Variants in DLGAP1 observed in about 807,000 individuals in gnomAD.
DLGAP1 encodes the protein DLG associated protein 1.
DLGAP1 carries 11 observed loss-of-function variants against 90.8 expected under a neutral mutation model. That is an observed-to-expected ratio of 0.12 (90% CI 0.08 to 0.20). The LOEUF (loss-of-function observed/expected upper bound fraction) is 0.20, where lower values mean the gene tolerates loss of function less well. DLGAP1 is among the 10% of genes least tolerant of loss of function. DLGAP1 has a pLI of 1.00. For synonymous variants in DLGAP1, 558 were observed against 540.7 expected (o/e 1.03, Z -0.44); for missense variants, 1,050 against 1,333.8 (o/e 0.79, Z 3.31).
chr18:3,885,223 T>C (rs1015831077), intron 3 of DLGAP1: 2 of 152,224 alleles, frequency 1.3e-5, no homozygotes, highest in Non-Finnish European at 2.9e-5. Context: ...TCACTTCTTT[T>C]TTCCCCCCTC....
intron 7 of DLGAP1, among the ~76,000 whole-genome samples, chr18:3,692,462 CA>C (rs994965060): frequency 6.6e-6 from 1 of 152,162 alleles, no homozygotes; most frequent in Admixed American, 6.5e-5. Context: ...TGTCTTGTGA[CA>C]ATGTACACAA....
intron 2 of DLGAP1, among the ~76,000 whole-genome samples, chr18:4,050,939 C>T (rs1427904177): frequency 1.3e-5 from 2 of 152,212 alleles, no homozygotes; most frequent in Non-Finnish European, 2.9e-5. Context: ...CTCCATCACC[C>T]TTCATGGGGA....
intron 2 of DLGAP1, among the ~76,000 whole-genome samples, chr18:4,113,427 T>C (rs1033599593): frequency 6.6e-6 from 1 of 152,192 alleles, no homozygotes; most frequent in East Asian, 1.9e-4. Flanking sequence ...TGTCTGTTCA[T>C]GTCTTTTGAC....
chr18:3,536,042 A>G lies in DLGAP1; in HGVS notation c.2058-1427T>C, dbSNP rs373900640. On this transcript the variant is annotated intron_variant, in intron 9 of 12. Transcript: ENST00000315677. ...TCTGTCTCAAAAAAAGAAAGAAAAG[A>G]AAAGAAATGGGAAAAACATAACCTA... Among the ~76,000 whole-genome samples the G allele has an allele frequency of 3.1e-4, 47 of 152,174 alleles. 1 individual carries two copies. In the East Asian group the frequency reaches 7.5e-3, roughly 24 times the overall value.
chr18:3,741,160 CATCACCACCACATCACCACCACCACCA>C, intron 6 of DLGAP1, among the ~76,000 whole-genome samples: 1 of 117,346 alleles, frequency 8.5e-6, no homozygotes, highest in African/African-American at 3.4e-5. Flanking sequence ...TCACCACCAC[CATCACCACCACATCACCACCACCACCA>C]CCACCACCAC....
chr18:3,916,729 A>G (rs1255982293), intron 3 of DLGAP1, among the ~76,000 whole-genome samples: 2 of 152,102 alleles, frequency 1.3e-5, no homozygotes, highest in African/African-American at 4.8e-5. Context: ...ATTAGGCTTC[A>G]CCGCCTCCTA....
intron 7 of DLGAP1, among the ~76,000 whole-genome samples, chr18:3,705,941 G>T (rs192083674): frequency 1.2e-3 from 174 of 150,194 alleles, no homozygotes; most frequent in Non-Finnish European, 1.5e-3. Flanking sequence ...TTACAGGCGT[G>T]AGCCACCGCG....
At chr18:3,949,816 T>C (rs956794849) in intron 3 of DLGAP1, among the ~76,000 whole-genome samples, 11 of 152,224 alleles carry the variant, frequency 7.2e-5, no homozygotes, top group African/African-American at 1.2e-4. Flanking sequence ...ATGTTAGTAA[T>C]GATTACACCA....
intron 5 of DLGAP1, among the ~76,000 whole-genome samples, chr18:3,804,973 GA>G (rs1208329105): frequency 6.6e-6 from 1 of 152,228 alleles, no homozygotes; most frequent in Admixed American, 6.5e-5. Flanking sequence ...TTAAATTTGA[GA>G]AGAAGATTTA....
intron 5 of DLGAP1, among the ~76,000 whole-genome samples, chr18:3,813,164 A>G (rs2148424857): frequency 6.6e-6 from 1 of 152,336 alleles, no homozygotes; most frequent in Non-Finnish European, 1.5e-5. Flanking sequence ...ATGCTGCACA[A>G]CGACATTTCA....
rs73940357 is a variant in DLGAP1, at chr18:3,965,311, C to T, written c.-73+39805G>A. Among the ~76,000 whole-genome samples the T allele has an allele frequency of 7.5e-3, 1,145 of 152,120 alleles. 6 individuals are homozygous for T. Among genetic ancestry groups the T allele is most frequent in the African/African-American group, 0.026 (1,075 of 41,504 alleles). ...ACTTGACTGAGTTTCTAATGTTTTGCAAAAAATAAGTAGCCAGACAAGGTT... is the reference window on the plus strand; with the variant it reads ...ACTTGACTGAGTTTCTAATGTTTTGTAAAAAATAAGTAGCCAGACAAGGTT... On this transcript the variant is annotated intron_variant, in intron 3 of 12. Transcript: ENST00000315677.
At chr18:3,966,438 G>T (rs1384848577) in intron 3 of DLGAP1, among the ~76,000 whole-genome samples, 4 of 152,162 alleles carry the variant, frequency 2.6e-5, no homozygotes, top group Non-Finnish European at 4.4e-5. Context: ...AGTGGAGAAT[G>T]AACCATTGGA....
At chr18:3,826,917 A>C (rs1292055826) in intron 4 of DLGAP1, among the ~76,000 whole-genome samples, 1 of 152,126 alleles carries the variant, frequency 6.6e-6, no homozygotes, top group Non-Finnish European at 1.5e-5. Context: ...GATAGGGCCA[A>C]GAGGTTTGCT....
intron 5 of DLGAP1, among the ~76,000 whole-genome samples, chr18:3,801,959 A>G (rs1489806444): frequency 3.0e-5 from 4 of 133,520 alleles, no homozygotes; most frequent in Non-Finnish European, 5.0e-5. Context: ...CACGCAGGCC[A>G]TCTGTGTTTT....
chr18:4,408,582 G>A (rs1177159286), intron 1 of DLGAP1, among the ~76,000 whole-genome samples: 2 of 151,576 alleles, frequency 1.3e-5, no homozygotes, highest in Non-Finnish European at 2.9e-5. Context: ...TTGGCATTTG[G>A]GACAGCAAAA....
At position 4,265,671 on chromosome 18, in the gene DLGAP1, T is replaced by C. The variant is rs866381556; in HGVS notation, c.-266-114384A>G. Among the ~76,000 whole-genome samples, 72 of 63,144 alleles carry C rather than the reference T, an allele frequency of 1.1e-3. 1 individual carries two copies. The highest frequency in any genetic ancestry group is 5.6e-3 in the African/African-American group (37 of 6,598). The allele number at this position is 63,144 out of a possible 152,430, so 41.4% of individuals were successfully genotyped here. On this transcript the variant is annotated intron_variant, in intron 1 of 12. Transcript: ENST00000315677. ...TCCCTCCCTCCCTCCCTCCCTTCCT[T>C]CCTTCCTTCCTTCCTTCCTTCCTTC...
chr18:4,278,643 C>T (rs545779291), intron 1 of DLGAP1, among the ~76,000 whole-genome samples: 85 of 151,854 alleles, frequency 5.6e-4, no homozygotes, highest in African/African-American at 1.7e-3. Context: ...GGATAGTATT[C>T]CATGGTGTGT....
At chr18:3,709,038 T>C (rs1348553416) in intron 7 of DLGAP1, among the ~76,000 whole-genome samples, 1 of 152,224 alleles carries the variant, frequency 6.6e-6, no homozygotes, top group Non-Finnish European at 1.5e-5. Flanking sequence ...GTTAATTTAT[T>C]CAACAAATAT....
intron 1 of DLGAP1, among the ~76,000 whole-genome samples, chr18:4,447,024 C>A (rs1464347627): frequency 4.6e-5 from 7 of 152,132 alleles, no homozygotes; most frequent in Non-Finnish European, 8.8e-5. Context: ...AAATGTATCA[C>A]CAAGTGTTGA....
Sources: gnomAD v4.1 joint callset for allele counts (sites outside exome capture counted in the v4.1 genomes callset) on GRCh38, gnomAD v4.1.1 for gene constraint, MANE v1.5 for transcripts, NCBI Gene and HGNC (gene_info 2026-07-23, HGNC 2026-07-21) for gene names.